The following NR3C2 variants were observed in gnomAD, a reference collection of about 807,000 sequenced individuals.
NR3C2 encodes the protein mineralocorticoid receptor.
Under a neutral mutation model 86.4 loss-of-function variants are expected in NR3C2, and 15 were observed. That is an observed-to-expected ratio of 0.17 (90% CI 0.12 to 0.27). The LOEUF is 0.27. Among genes scored for constraint, NR3C2 ranks in the 10% least tolerant of loss-of-function variants. NR3C2 has a pLI of 1.00. For missense variants in NR3C2, 960 were observed against 1,195.6 expected, an observed-to-expected ratio of 0.80 and a Z score of 2.91; for synonymous variants, 458 against 450.5, an observed-to-expected ratio of 1.02 and a Z score of -0.21.
At chr4:148,317,528 G>A (rs942155544) in intron 2 of NR3C2, among the ~76,000 whole-genome samples, 1 of 151,722 alleles carries the variant, frequency 6.6e-6, no homozygotes, top group African/African-American at 2.4e-5. Flanking sequence ...TTATAAAAAG[G>A]TCAGAAGCTA....
chr4:148,352,621 A>C (rs549304722), intron 2 of NR3C2, among the ~76,000 whole-genome samples: 16 of 152,170 alleles, frequency 1.1e-4, no homozygotes, highest in Admixed American at 2.6e-4. Flanking sequence ...TTGGTCGCTG[A>C]TCTCTATTTA....
intron 8 of NR3C2, among the ~76,000 whole-genome samples, chr4:148,112,448 G>GTA (rs1268507950): frequency 6.6e-6 from 1 of 152,192 alleles, no homozygotes; most frequent in African/African-American, 2.4e-5. Context: ...GTGTTCTCAT[G>GTA]TAGATGATCT....
At chr4:148,395,604 T>G (rs1747819713) in intron 2 of NR3C2, among the ~76,000 whole-genome samples, 1 of 152,238 alleles carries the variant, frequency 6.6e-6, no homozygotes. Context: ...CATACACAGA[T>G]ACCAAGTCAG....
At chr4:148,184,145 T>C (rs941245501) in intron 4 of NR3C2, among the ~76,000 whole-genome samples, 1 of 152,102 alleles carries the variant, frequency 6.6e-6, no homozygotes, top group Non-Finnish European at 1.5e-5. Flanking sequence ...TAGAACACCC[T>C]ATGAGGTAAG....
intron 3 of NR3C2, among the ~76,000 whole-genome samples, chr4:148,227,811 T>C (rs1738251636): frequency 6.6e-6 from 1 of 152,200 alleles, no homozygotes; most frequent in African/African-American, 2.4e-5. Context: ...AGTTCTTGTG[T>C]CCTTTTGAAA....
intron 2 of NR3C2, among the ~76,000 whole-genome samples, chr4:148,303,333 T>G (rs1240527345): frequency 6.6e-6 from 1 of 152,210 alleles, no homozygotes; most frequent in Non-Finnish European, 1.5e-5. Flanking sequence ...TGTATATATC[T>G]GGATCAACAT....
At chr4:148,391,187 CTT>C (rs946331124) in intron 2 of NR3C2, among the ~76,000 whole-genome samples, 1 of 152,178 alleles carries the variant, frequency 6.6e-6, no homozygotes, top group Non-Finnish European at 1.5e-5. Context: ...GTCTCAGCCT[CTT>C]GTTAGATCCC....
At position 148,435,923 on chromosome 4, in the gene NR3C2, G is replaced by T. The variant is rs762596415; in HGVS notation, c.938C>A (p.Pro313His). The T allele has an allele frequency of 6.2e-7, 1 of 1,614,200 alleles. No individual in the cohort carries two copies. The highest frequency in any genetic ancestry group is 2.2e-5 in the East Asian group (1 of 44,888). ...CGTGGATCTGTTATTAGTGTTCGAA[G>T]GGCTGGAAACAGAGCACCTTGAGTT... ...INNSRCSVSS[P>H]SNTNNRSTLS... is the part of the protein sequence containing the mutation. The change falls in exon 2 of 9, where the codon CCT (proline) becomes CAT (histidine). Residue 313 changes from proline (P) to histidine (H), a missense_variant. Coordinates refer to ENST00000358102, the MANE Select transcript of NR3C2 (RefSeq NM_000901.5).
Position 148,351,543 on chromosome 4 carries a change from G to C in NR3C2, c.1757+83561C>G, listed in dbSNP as rs1030380762. Reference sequence around the variant, plus strand: ...AGCAGATGCCCTACCATTGACCTTTGTCAGCAGTGGGATCCTGGAAAGAGC... The same window carrying C: ...AGCAGATGCCCTACCATTGACCTTTCTCAGCAGTGGGATCCTGGAAAGAGC... On this transcript the variant is annotated intron_variant, in intron 2 of 8. Transcript: ENST00000358102. Among the ~76,000 whole-genome samples, 3 of 152,086 alleles carry C rather than the reference G, an allele frequency of 2.0e-5. No homozygotes were observed. The East Asian group carries it at 5.8e-4, about 29-fold the overall frequency.
At chr4:148,196,817 T>C (rs543252456) in intron 3 of NR3C2, among the ~76,000 whole-genome samples, 3 of 152,262 alleles carry the variant, frequency 2.0e-5, no homozygotes, top group South Asian at 4.1e-4. Flanking sequence ...TCTTAATGAA[T>C]ATGGGTAGGT....
chr4:148,221,456 C>T lies in NR3C2; in HGVS notation c.1898-26594G>A, dbSNP rs529123214. ...AAAACTGGTGGTAAAAAACGAAGCACTAGATTGAATAAACCTCTTCAAAAA... is the reference window on the plus strand; with the variant it reads ...AAAACTGGTGGTAAAAAACGAAGCATTAGATTGAATAAACCTCTTCAAAAA... On this transcript the variant is annotated intron_variant, in intron 3 of 8. Transcript: ENST00000358102. Among the ~76,000 whole-genome samples the T allele has an allele frequency of 3.3e-5, 5 of 152,270 alleles. No homozygotes were observed. In the South Asian group the frequency reaches 1.0e-3, roughly 32 times the overall value.
At chr4:148,321,762 C>T (rs556543944) in intron 2 of NR3C2, among the ~76,000 whole-genome samples, 1 of 152,244 alleles carries the variant, frequency 6.6e-6, no homozygotes, top group Admixed American at 6.5e-5. Flanking sequence ...TATTTTGAGC[C>T]TATGTGTGTC....
At chr4:148,247,931 G>A (rs1049094284) in intron 3 of NR3C2, among the ~76,000 whole-genome samples, 5 of 152,026 alleles carry the variant, frequency 3.3e-5, no homozygotes, top group African/African-American at 1.2e-4. Flanking sequence ...TATAGCTCTG[G>A]TCTGTCAGAT....
chr4:148,248,600 C>T (rs1251930404), intron 3 of NR3C2, among the ~76,000 whole-genome samples: 1 of 152,162 alleles, frequency 6.6e-6, no homozygotes, highest in East Asian at 1.9e-4. Context: ...AAATTTAAAT[C>T]CTGGTCTTAA....
At chr4:148,157,498 T>C (rs956277058) in intron 4 of NR3C2, among the ~76,000 whole-genome samples, 2 of 151,974 alleles carry the variant, frequency 1.3e-5, no homozygotes, top group South Asian at 2.1e-4. Flanking sequence ...GTATCTGAAA[T>C]AGAGTTTAGA....
At chr4:148,172,708 G>A (rs1735191113) in intron 4 of NR3C2, among the ~76,000 whole-genome samples, 1 of 152,108 alleles carries the variant, frequency 6.6e-6, no homozygotes, top group African/African-American at 2.4e-5. Context: ...CATCTACTGT[G>A]CTAAGTGCTC....
chr4:148,123,127 C>T (rs1732589336), intron 6 of NR3C2, among the ~76,000 whole-genome samples: 1 of 152,068 alleles, frequency 6.6e-6, no homozygotes, highest in African/African-American at 2.4e-5. Context: ...TAAATGGCCG[C>T]TCTGGGAATG....
At chr4:148,356,198 G>A (rs546107604) in intron 2 of NR3C2, among the ~76,000 whole-genome samples, 4 of 152,300 alleles carry the variant, frequency 2.6e-5, no homozygotes, top group South Asian at 4.1e-4. Context: ...CCACATTGCT[G>A]TAATAAAGTA....
At chr4:148,137,786 A>G (rs999798589) in intron 6 of NR3C2, among the ~76,000 whole-genome samples, 2 of 151,892 alleles carry the variant, frequency 1.3e-5, no homozygotes, top group South Asian at 2.1e-4. Context: ...TTTTTCATAT[A>G]CCTCCCCCAA....
Sources: allele counts gnomAD v4.1 joint callset (sites outside exome capture counted in the v4.1 genomes callset), GRCh38; gene constraint gnomAD v4.1.1; transcripts MANE v1.5; gene names NCBI Gene and HGNC (gene_info 2026-07-23, HGNC 2026-07-21).